The following ZNF521 variants were observed in gnomAD, a reference collection of about 807,000 sequenced individuals.
The protein encoded by ZNF521 is LYST-interacting protein 3.
ZNF521 carries 14 observed loss-of-function variants against 105.5 expected under a neutral mutation model. The ratio of observed to expected loss-of-function variants is 0.13; its 90% CI spans 0.09 to 0.21. The LOEUF is 0.21. Among genes scored for constraint, ZNF521 ranks in the 10% least tolerant of loss-of-function variants. The pLI is 1.00. For missense variants in ZNF521, 1,233 were observed against 1,629.7 expected (o/e 0.76, Z 4.19); for synonymous variants, 635 against 606.0 (o/e 1.05, Z -0.70).
intron 5 of ZNF521, among the ~76,000 whole-genome samples, chr18:25,093,547 T>C (rs2033792642): frequency 6.6e-6 from 1 of 152,228 alleles, no homozygotes; most frequent in African/African-American, 2.4e-5. Context: ...AATTATTAGC[T>C]AACTGTGAGT....
chr18:25,332,559 A>G (rs1471842408), intron 2 of ZNF521, among the ~76,000 whole-genome samples: 1 of 152,186 alleles, frequency 6.6e-6, no homozygotes, highest in African/African-American at 2.4e-5. Flanking sequence ...AACTATAAAA[A>G]TAGATCATTA....
At chr18:25,242,496 AT>A (rs368519679) in intron 3 of ZNF521, among the ~76,000 whole-genome samples, 77 of 151,698 alleles carry the variant, frequency 5.1e-4, no homozygotes, top group Middle Eastern at 3.4e-3. Flanking sequence ...CATCCTATAT[AT>A]TTTTTTTGCT....
chr18:25,169,356 A>G (rs1000831060), intron 5 of ZNF521, among the ~76,000 whole-genome samples: 23 of 152,292 alleles, frequency 1.5e-4, no homozygotes, highest in African/African-American at 5.5e-4. Context: ...TAGATAAAAC[A>G]GCTGACCCAG....
intron 5 of ZNF521, among the ~76,000 whole-genome samples, chr18:25,174,672 C>T (rs2035505322): frequency 6.6e-6 from 1 of 152,142 alleles, no homozygotes; most frequent in Non-Finnish European, 1.5e-5. Flanking sequence ...TACAGTAATC[C>T]TGGCAACACA....
intron 5 of ZNF521, among the ~76,000 whole-genome samples, chr18:25,109,994 T>C (rs1324349499): frequency 6.6e-6 from 1 of 152,234 alleles, no homozygotes; most frequent in Admixed American, 6.5e-5. Flanking sequence ...TTATAATTCT[T>C]ATATTGATTT....
chr18:25,289,837 C>T (rs1363742164), intron 3 of ZNF521, among the ~76,000 whole-genome samples: 3 of 152,168 alleles, frequency 2.0e-5, no homozygotes, highest in Non-Finnish European at 4.4e-5. Flanking sequence ...TCAACTTCCG[C>T]ACACAATAAA....
intron 4 of ZNF521, chr18:25,202,525 G>C (rs1204896469): frequency 6.6e-6 from 1 of 152,190 alleles, no homozygotes; most frequent in Non-Finnish European, 1.5e-5. Flanking sequence ...TGGTGACAAG[G>C]TTGGGTGAAT....
At chr18:25,275,273 T>A (rs1353259375) in intron 3 of ZNF521, among the ~76,000 whole-genome samples, 2 of 152,144 alleles carry the variant, frequency 1.3e-5, no homozygotes, top group African/African-American at 2.4e-5. Context: ...TTTCTCCCAA[T>A]ACAACTTATG....
chr18:25,122,940 A>G (rs563634249), intron 5 of ZNF521, among the ~76,000 whole-genome samples: 42 of 152,232 alleles, frequency 2.8e-4, no homozygotes, highest in Non-Finnish European at 4.6e-4. Context: ...ACACGCACTC[A>G]GCCAGTCACA....
At chr18:25,063,574 G>T (rs1177341379) in intron 7 of ZNF521, among the ~76,000 whole-genome samples, 1 of 152,176 alleles carries the variant, frequency 6.6e-6, no homozygotes, top group East Asian at 1.9e-4. Flanking sequence ...AGGCCCTGAG[G>T]GTGGACGCCG....
chr18:25,267,276 G>T (rs1395122330), intron 3 of ZNF521, among the ~76,000 whole-genome samples: 2 of 152,196 alleles, frequency 1.3e-5, no homozygotes, highest in African/African-American at 2.4e-5. Context: ...AGCAGCCCCA[G>T]TCAGCGACTT....
intron 4 of ZNF521, among the ~76,000 whole-genome samples, chr18:25,222,959 G>A (rs1026282786): frequency 2.6e-5 from 4 of 152,148 alleles, no homozygotes; most frequent in Admixed American, 6.5e-5. Context: ...GAGAGAAAAC[G>A]CTACAAAATA....
chr18:25,312,258 T>C (rs1193844162), intron 3 of ZNF521, among the ~76,000 whole-genome samples: 1 of 152,186 alleles, frequency 6.6e-6, no homozygotes, highest in African/African-American at 2.4e-5. Context: ...AGTCCTTTCA[T>C]AAATCCCAAT....
intron 5 of ZNF521, among the ~76,000 whole-genome samples, chr18:25,193,290 G>C (rs1439956039): frequency 1.3e-5 from 2 of 152,052 alleles, no homozygotes; most frequent in Non-Finnish European, 2.9e-5. Flanking sequence ...ACATTCAATT[G>C]AAATTCTAAA....
At chr18:25,321,706 A>G (rs1289324678) in intron 3 of ZNF521, among the ~76,000 whole-genome samples, 1 of 152,220 alleles carries the variant, frequency 6.6e-6, no homozygotes, top group Non-Finnish European at 1.5e-5. Flanking sequence ...GATTTTTAAA[A>G]TATATTAGTC....
intron 7 of ZNF521, among the ~76,000 whole-genome samples, chr18:25,066,195 C>T (rs1221349924): frequency 6.6e-6 from 1 of 152,050 alleles, no homozygotes; most frequent in African/African-American, 2.4e-5. Context: ...GCAGGGTGTC[C>T]CCAGGCCTGG....
chr18:25,286,345 A>G (rs879746322), intron 3 of ZNF521, among the ~76,000 whole-genome samples: 1 of 152,226 alleles, frequency 6.6e-6, no homozygotes, highest in Non-Finnish European at 1.5e-5. Context: ...ACCAAAATGG[A>G]TAATTATTAA....
intron 3 of ZNF521, among the ~76,000 whole-genome samples, chr18:25,297,700 T>C (rs1432368775): frequency 1.3e-5 from 2 of 152,130 alleles, no homozygotes; most frequent in South Asian, 2.1e-4. Flanking sequence ...ACACAAACCA[T>C]AGGTCCTTTA....
At chr18:25,261,420 A>G (rs1187246577) in intron 3 of ZNF521, among the ~76,000 whole-genome samples, 1 of 152,112 alleles carries the variant, frequency 6.6e-6, no homozygotes, top group Non-Finnish European at 1.5e-5. Context: ...CTTGTCACAT[A>G]GTATGCTTGG....
Sources: gnomAD v4.1 joint callset for allele counts (sites outside exome capture counted in the v4.1 genomes callset) on GRCh38, gnomAD v4.1.1 for gene constraint, MANE v1.5 for transcripts, NCBI Gene and HGNC (gene_info 2026-07-23, HGNC 2026-07-21) for gene names.